The following ARHGAP10 variants were observed in gnomAD, a reference collection of about 807,000 sequenced individuals.
ARHGAP10 encodes the protein Rho GTPase activating protein 10, also known as rho GTPase-activating protein 10.
ARHGAP10 carries 87 observed loss-of-function variants against 108.6 expected under a neutral mutation model. The ratio of observed to expected loss-of-function variants is 0.80; its 90% confidence interval spans 0.67 to 0.96. The LOEUF is 0.96. Ranked by LOEUF, ARHGAP10 falls within the 40% of genes least tolerant of loss-of-function variation. The pLI is 0.00. For synonymous variants in ARHGAP10, 347 were observed against 341.1 expected (o/e 1.02, Z -0.19); for missense variants, 939 against 954.5 (o/e 0.98, Z 0.21).
At chr4:147,783,063 ATATT>A (rs976806630) in intron 1 of ARHGAP10, among the ~76,000 whole-genome samples, 2 of 142,552 alleles carry the variant, frequency 1.4e-5, no homozygotes, top group African/African-American at 2.5e-5. Context: ...TAAATTATAT[ATATT>A]ATATAAATTA....
chr4:147,915,341 G>GA (rs1736932702), intron 13 of ARHGAP10, among the ~76,000 whole-genome samples: 1 of 152,176 alleles, frequency 6.6e-6, no homozygotes, highest in Non-Finnish European at 1.5e-5. Flanking sequence ...AAGAATTTCA[G>GA]AAAAAATCCC....
intron 14 of ARHGAP10, among the ~76,000 whole-genome samples, chr4:147,945,630 A>T (rs2126969645): frequency 6.6e-6 from 1 of 152,324 alleles, no homozygotes; most frequent in Admixed American, 6.5e-5. Context: ...TAGTCTAATG[A>T]ACAGAAATCC....
intron 1 of ARHGAP10, among the ~76,000 whole-genome samples, chr4:147,780,129 A>C (rs1730469494): frequency 6.6e-6 from 1 of 152,194 alleles, no homozygotes; most frequent in Non-Finnish European, 1.5e-5. Context: ...CATTGTAGAA[A>C]AGTTGGAACA....
intron 4 of ARHGAP10, among the ~76,000 whole-genome samples, chr4:147,855,643 C>CAAAAA (rs1734054610): frequency 7.7e-6 from 1 of 129,074 alleles, no homozygotes; most frequent in Admixed American, 7.8e-5. Context: ...AGTCCCTGAT[C>CAAAAA]TTTTTGGTAA....
rs1741338035 is a variant in ARHGAP10, at chr4:148,016,200, C to T, written c.1717-7063C>T. On this transcript the variant is annotated intron_variant, in intron 18 of 22. Transcript: ENST00000336498. ...CCAGTGAACATGTTAGTAGAAACATCTTTTTAAAAAAGAATTACTGGAGCT... is the reference window on the plus strand; with the variant it reads ...CCAGTGAACATGTTAGTAGAAACATTTTTTTAAAAAAGAATTACTGGAGCT... 2.0e-5 allele frequency among the ~76,000 whole-genome samples: 3 copies of T among 152,234 alleles called. No homozygotes were observed. In the South Asian group the frequency reaches 6.2e-4, roughly 32 times the overall value.
At position 148,006,554 on chromosome 4, in the gene ARHGAP10, A is replaced by T. The variant is rs576635872; in HGVS notation, c.1717-16709A>T. On this transcript the variant is annotated intron_variant, in intron 18 of 22. Transcript: ENST00000336498. The stretch of plus-strand genomic sequence containing the variant: ...CTGTGGAGCATTAGAGAGCTCTTTC[A>T]TCAACATACAGAAGCTATGTCCCAC... Among the ~76,000 whole-genome samples the T allele has an allele frequency of 1.1e-4, 17 of 152,302 alleles. No homozygotes were observed. In the South Asian group the frequency reaches 3.1e-3, roughly 28 times the overall value.
intron 3 of ARHGAP10, among the ~76,000 whole-genome samples, chr4:147,839,138 A>ATCTG (rs1287362860): frequency 0.012 from 1,575 of 128,098 alleles, 14 homozygotes; most frequent in East Asian, 0.049. Context: ...CTATCTATCT[A>ATCTG]TCTATCTGTC....
intron 18 of ARHGAP10, among the ~76,000 whole-genome samples, chr4:147,998,541 T>A (rs1385053686): frequency 6.6e-6 from 1 of 152,262 alleles, no homozygotes; most frequent in Non-Finnish European, 1.5e-5. Flanking sequence ...AAGTTGTAGA[T>A]CAGTTTTACT....
intron 22 of ARHGAP10, among the ~76,000 whole-genome samples, chr4:148,067,878 G>A (rs1036441661): frequency 2.6e-5 from 4 of 152,178 alleles, no homozygotes; most frequent in African/African-American, 9.7e-5. Flanking sequence ...CTTACTGGGT[G>A]GGCCTGGACT....
intron 18 of ARHGAP10, among the ~76,000 whole-genome samples, chr4:148,004,390 A>G (rs1411741029): frequency 1.3e-5 from 2 of 152,220 alleles, no homozygotes; most frequent in Non-Finnish European, 2.9e-5. Context: ...AGATTTAAAT[A>G]GTGATAGTGA....
chr4:147,966,862 G>T (rs1176420512), intron 18 of ARHGAP10, 23 bp downstream of exon 18: 2 of 1,538,194 alleles, frequency 1.3e-6, no homozygotes, highest in Non-Finnish European at 1.8e-6. Context: ...TTTTCTTTAA[G>T]AGACTTTGTT....
intron 13 of ARHGAP10, chr4:147,917,208 A>T (rs1737024926): frequency 6.6e-6 from 1 of 152,170 alleles, no homozygotes; most frequent in South Asian, 2.1e-4. Flanking sequence ...ATTGGGCCTG[A>T]TGGCATTCTT....
chr4:147,765,347 G>GGGGGT (rs1553947394), intron 1 of ARHGAP10, among the ~76,000 whole-genome samples: 2 of 143,602 alleles, frequency 1.4e-5, no homozygotes, highest in African/African-American at 5.2e-5. Flanking sequence ...TGGGGGGGGG[G>GGGGGT]GTGTGAGTGT....
intron 18 of ARHGAP10, among the ~76,000 whole-genome samples, chr4:148,018,279 G>C (rs554348394): frequency 8.5e-5 from 13 of 152,276 alleles, no homozygotes; most frequent in African/African-American, 3.1e-4. Context: ...AAAGTTGGGA[G>C]AGCTGGGCAA....
At chr4:148,009,707 A>G (rs768308671) in intron 18 of ARHGAP10, among the ~76,000 whole-genome samples, 2 of 152,160 alleles carry the variant, frequency 1.3e-5, no homozygotes, top group Non-Finnish European at 2.9e-5. Context: ...TAAGTAATCA[A>G]TCCAGAGCCT....
At chr4:147,792,348 C>A (rs1731155062) in intron 1 of ARHGAP10, among the ~76,000 whole-genome samples, 1 of 152,134 alleles carries the variant, frequency 6.6e-6, no homozygotes, top group African/African-American at 2.4e-5. Flanking sequence ...TTTTGAGCTG[C>A]CTATTTATAA....
chr4:148,010,452 C>T (rs1303350783), intron 18 of ARHGAP10, among the ~76,000 whole-genome samples: 3 of 152,076 alleles, frequency 2.0e-5, no homozygotes, highest in Non-Finnish European at 4.4e-5. Context: ...ATCATATTAT[C>T]TTTCATACCC....
At chr4:147,777,699 G>T (rs937615358) in intron 1 of ARHGAP10, among the ~76,000 whole-genome samples, 1 of 152,168 alleles carries the variant, frequency 6.6e-6, no homozygotes, top group Non-Finnish European at 1.5e-5. Flanking sequence ...ATTTCCAGCA[G>T]CATCTTTAGT....
intron 1 of ARHGAP10, among the ~76,000 whole-genome samples, chr4:147,782,982 T>A (rs1235662786): frequency 7.1e-6 from 1 of 140,994 alleles, no homozygotes; most frequent in Admixed American, 7.4e-5. Context: ...TTATATATTA[T>A]ATAAATTATA....
Sources: gnomAD v4.1 joint callset for allele counts (sites outside exome capture counted in the v4.1 genomes callset) on GRCh38, gnomAD v4.1.1 for gene constraint, MANE v1.5 for transcripts, NCBI Gene and HGNC (gene_info 2026-07-23, HGNC 2026-07-21) for gene names.